The following SLC22A24 variants were observed in gnomAD, a reference collection of about 807,000 sequenced individuals.
SLC22A24 encodes the protein solute carrier family 22 member 24.
Under a neutral mutation model 49.8 loss-of-function variants are expected in SLC22A24, and 53 were observed. That is an observed-to-expected ratio of 1.06 (90% confidence interval 0.85 to 1.34). The LOEUF is 1.34. Ranked by LOEUF, SLC22A24 falls within the 40% of genes most tolerant of loss-of-function variation. The pLI, the probability that SLC22A24 is intolerant of heterozygous loss-of-function variation, is 0.00. For synonymous variants in SLC22A24, 302 were observed against 256.4 expected, an observed-to-expected ratio of 1.18 and a Z score of -1.70; for missense variants, 786 against 675.9, an observed-to-expected ratio of 1.16 and a Z score of -1.81.
chr11:63,111,250 C>G (rs1488722894), intron 4 of SLC22A24, among the ~76,000 whole-genome samples: 1 of 151,610 alleles, frequency 6.6e-6, no homozygotes, highest in Non-Finnish European at 1.5e-5. Flanking sequence ...ATTCGGTTTG[C>G]CAGTATTTTA....
intron 1 of SLC22A24, among the ~76,000 whole-genome samples, chr11:63,135,103 A>C (rs79824389): frequency 0.022 from 3,397 of 152,278 alleles, 117 homozygotes; most frequent in African/African-American, 0.076. Context: ...TATTATAATT[A>C]AAAGCACATA....
At chr11:63,081,298 A>G (rs2086958674) in intron 8 of SLC22A24, among the ~76,000 whole-genome samples, 175 bp from the exon 9 acceptor site, 1 of 152,218 alleles carries the variant, frequency 6.6e-6, no homozygotes, top group Non-Finnish European at 1.5e-5. Context: ...ATTTGATAGT[A>G]TAATGTTGGT....
intron 6 of SLC22A24, among the ~76,000 whole-genome samples, 192 bp from the exon 7 acceptor site, chr11:63,083,649 A>G (rs1203150846): frequency 2.6e-5 from 4 of 152,236 alleles, no homozygotes; most frequent in African/African-American, 9.6e-5. Flanking sequence ...GTCTTAAAAT[A>G]ACATAAAATA....
chr11:63,140,602 G>T (rs1307584379), intron 1 of SLC22A24, among the ~76,000 whole-genome samples: 1 of 152,050 alleles, frequency 6.6e-6, no homozygotes, highest in Non-Finnish European at 1.5e-5. Flanking sequence ...AAAAGAATTA[G>T]ATCTTATCTT....
intron 4 of SLC22A24, among the ~76,000 whole-genome samples, chr11:63,118,295 A>C (rs890363574): frequency 6.6e-6 from 1 of 152,142 alleles, no homozygotes; most frequent in Non-Finnish European, 1.5e-5. Flanking sequence ...ACATCCCAAC[A>C]TTCACTTTCT....
intron 4 of SLC22A24, among the ~76,000 whole-genome samples, chr11:63,111,763 G>A (rs2087167069): frequency 6.6e-6 from 1 of 152,080 alleles, no homozygotes; most frequent in African/African-American, 2.4e-5. Flanking sequence ...AGACTTGCTA[G>A]TGGTCTATCA....
intron 2 of SLC22A24, among the ~76,000 whole-genome samples, 152 bp from the exon 3 acceptor site, chr11:63,119,487 G>A (rs1286526123): frequency 6.6e-6 from 1 of 152,172 alleles, no homozygotes; most frequent in Non-Finnish European, 1.5e-5. Flanking sequence ...TTAGTGAGCA[G>A]CAAAAATCAC....
chr11:63,090,610 T>C (rs543583838), intron 6 of SLC22A24, among the ~76,000 whole-genome samples: 234 of 151,164 alleles, frequency 1.5e-3, no homozygotes, highest in African/African-American at 5.4e-3. Flanking sequence ...GACTACTGGG[T>C]AAATAATGAA....
rs1386878944 is a variant in SLC22A24 at position 63,143,910 on chromosome 11, G to A, written c.-131C>T. ...ATCCTGACACTGCTTTCTTCTTGGT[G>A]GGCCCTGCACTGAGTGGTGTGACAC... On this transcript the variant is annotated 5_prime_UTR_variant, in exon 1 of 10. Coordinates refer to ENST00000612278, the MANE Select transcript of SLC22A24 (RefSeq NM_001136506.2). The A allele has an allele frequency of 1.3e-6, 1 of 748,564 alleles. No homozygotes were observed. Among genetic ancestry groups the A allele is most frequent in the Non-Finnish European group, 1.9e-6 (1 of 530,564 alleles). The allele number at this position is 748,564 out of a possible 1,614,324, so 46.4% of individuals were successfully genotyped here.
chr11:63,123,588 A>G (rs1181965402), intron 2 of SLC22A24, among the ~76,000 whole-genome samples: 1 of 152,336 alleles, frequency 6.6e-6, no homozygotes, highest in East Asian at 1.9e-4. Flanking sequence ...TCCAAAGCAG[A>G]CATCTTGACT....
At chr11:63,118,602 C>T (rs769137794) in intron 4 of SLC22A24, 1 of 534,890 alleles carries the variant, frequency 1.9e-6, no homozygotes, top group South Asian at 2.9e-5. Flanking sequence ...CCCAAATTAT[C>T]TCCATCACAT....
chr11:63,111,705 T>C (rs1379257526), intron 4 of SLC22A24, among the ~76,000 whole-genome samples: 1 of 152,024 alleles, frequency 6.6e-6, no homozygotes, highest in African/African-American at 2.4e-5. Flanking sequence ...ATCCCCTTTA[T>C]CATTTTTTAT....
Position 63,143,791 on chromosome 11 carries a change from A to G in SLC22A24, c.-12T>C. 7.3e-7 allele frequency: 1 copy of G among 1,368,286 alleles called. No homozygotes were observed. Among genetic ancestry groups the G allele is most frequent in the South Asian group, 2.0e-5 (1 of 51,126 alleles). 84.8% of individuals were successfully genotyped at this position (1,368,286 alleles called of 1,614,324 possible). A position where few individuals can be genotyped will look rare whatever the true frequency, so the allele number is the denominator to read the frequency against. ...ACATCAAAGCCCATTGAGACTGAAC[A>G]GGTGATCCCCAAGAGGAAGCACAAT... On this transcript the variant is annotated 5_prime_UTR_variant, in exon 1 of 10. Coordinates refer to ENST00000612278, the MANE Select transcript of SLC22A24 (RefSeq NM_001136506.2).
chr11:63,138,680 T>C (rs947620912), intron 1 of SLC22A24, among the ~76,000 whole-genome samples: 2 of 148,222 alleles, frequency 1.3e-5, no homozygotes, highest in African/African-American at 2.5e-5. Context: ...GAAATTGGCT[T>C]CTGTACTCTC....
At chr11:63,086,043 C>T (rs1369891928) in intron 6 of SLC22A24, among the ~76,000 whole-genome samples, 2 of 152,036 alleles carry the variant, frequency 1.3e-5, no homozygotes, top group East Asian at 1.9e-4. Context: ...TAACAGATAC[C>T]GGTGAGGATG....
chr11:63,140,355 C>G (rs941598502), intron 1 of SLC22A24, among the ~76,000 whole-genome samples: 1 of 152,114 alleles, frequency 6.6e-6, no homozygotes, highest in African/African-American at 2.4e-5. Context: ...GCTGGGACTA[C>G]AGGCGTGAGC....
intron 5 of SLC22A24, among the ~76,000 whole-genome samples, chr11:63,096,649 T>C (rs2134645454): frequency 6.6e-6 from 1 of 152,340 alleles, no homozygotes; most frequent in South Asian, 2.1e-4. Flanking sequence ...TTTATAATCC[T>C]TTGGGTATAT....
chr11:63,109,887 A>G (rs953424523), intron 4 of SLC22A24, among the ~76,000 whole-genome samples: 5 of 151,810 alleles, frequency 3.3e-5, no homozygotes, highest in Non-Finnish European at 5.9e-5. Context: ...TTTTGTTGCC[A>G]TTGCTTTTGG....
At chr11:63,110,956 G>A (rs968874808) in intron 4 of SLC22A24, among the ~76,000 whole-genome samples, 1 of 151,882 alleles carries the variant, frequency 6.6e-6, no homozygotes, top group Non-Finnish European at 1.5e-5. Context: ...TCCAGTTTTT[G>A]CCCACTCAGT....
Sources: gnomAD v4.1 joint callset for allele counts (sites outside exome capture counted in the v4.1 genomes callset) on GRCh38, gnomAD v4.1.1 for gene constraint, MANE v1.5 for transcripts, NCBI Gene and HGNC (gene_info 2026-07-23, HGNC 2026-07-21) for gene names.